The following ASIP variants were observed in gnomAD, a reference collection of about 807,000 sequenced individuals.
ASIP encodes agouti signaling protein.
In ASIP, 11 loss-of-function variants were observed where a neutral mutation model predicts 10.3. That is an observed-to-expected ratio of 1.07 (90% CI 0.68 to 1.78). ASIP has a LOEUF of 1.78. Ranked by LOEUF, ASIP falls within the 40% of genes most tolerant of loss-of-function variation. The probability of loss-of-function intolerance (pLI) is 0.00; values close to 1 mark genes in which losing one functional copy is unlikely to be tolerated. For missense variants in ASIP, 180 were observed against 169.2 expected, an observed-to-expected ratio of 1.06 and a Z score of -0.35; for synonymous variants, 70 against 70.8, an observed-to-expected ratio of 0.99 and a Z score of 0.06.
upstream of ASIP, among the ~76,000 whole-genome samples, chr20:34,237,138 G>A (rs1050012832): frequency 1.3e-5 from 2 of 152,028 alleles, no homozygotes; most frequent in African/African-American, 4.8e-5. Context: ...CTGTGGCTTT[G>A]TAGTAAGTTT....
At chr20:34,215,005 ATCT>A (rs1294553820) in intron 1 of ASIP, 6 of 1,436,932 alleles carry the variant, frequency 4.2e-6, no homozygotes, top group Non-Finnish European at 5.9e-6. Context: ...TCTGGCCAAC[ATCT>A]TCTTCCTGGT....
At chr20:34,250,895 G>A (rs1020822764) in intron 1 of ASIP, among the ~76,000 whole-genome samples, 1 of 152,058 alleles carries the variant, frequency 6.6e-6, no homozygotes, top group Non-Finnish European at 1.5e-5. Flanking sequence ...CAGTGCTGTC[G>A]CTAAGGGGAT....
At chr20:34,203,434 GTCAC>G (rs1275080630) in intron 1 of ASIP, among the ~76,000 whole-genome samples, 3 of 151,304 alleles carry the variant, frequency 2.0e-5, no homozygotes, top group African/African-American at 7.3e-5. Context: ...GTTTCACTCT[GTCAC>G]TCAAGCTGGA....
intron 2 of ASIP, 111 bp from the exon 3 acceptor site, chr20:34,262,721 T>G: frequency 1.7e-6 from 2 of 1,205,024 alleles, no homozygotes; most frequent in Admixed American, 3.5e-5. Context: ...GCACGCTTCT[T>G]CTCCTCTCCC....
In ASIP at chr20:34,209,721, G is replaced by A. The variant is rs186312937; in HGVS notation, c.-11+14961G>A. ...GCCCCTCTGGATTTGGGGCACCAAC[G>A]AGAATGGGAGGGAAGCTAAGGAGGG... On this transcript the variant is annotated intron_variant, in intron 1 of 3. Transcript: ENST00000568305. Among the ~76,000 whole-genome samples the A allele has an allele frequency of 2.2e-3, 329 of 152,318 alleles. 3 individuals are homozygous for A. The highest frequency in any genetic ancestry group is 7.7e-3 in the African/African-American group (321 of 41,578).
rs984350485 is a variant in ASIP, at chr20:34,269,180, C to A, written c.*13C>A. ...CCTCAACTGCTGAGCGCCCCCACTCCCGGCCGCGAGCAGGCAGGGCTTCGG... is the reference window on the plus strand; with the variant it reads ...CCTCAACTGCTGAGCGCCCCCACTCACGGCCGCGAGCAGGCAGGGCTTCGG... On this transcript the variant is annotated 3_prime_UTR_variant, in exon 4 of 4. Transcript: ENST00000374954. 5.4e-6 allele frequency: 8 copies of A among 1,491,688 alleles called. No homozygotes were observed. The highest frequency in any genetic ancestry group is 3.6e-6 in the Non-Finnish European group (4 of 1,119,868). 92.4% of individuals were successfully genotyped at this position (1,491,688 alleles called of 1,614,324 possible).
At chr20:34,210,456 C>T (rs2122548418) in intron 1 of ASIP, among the ~76,000 whole-genome samples, 1 of 152,370 alleles carries the variant, frequency 6.6e-6, no homozygotes, top group African/African-American at 2.4e-5. Context: ...CTGGAGCTGC[C>T]TGCCCCACAG....
At position 34,246,326 on chromosome 20, in the gene ASIP, G is replaced by A. The variant is rs2035374863; in HGVS notation, c.-11+4837G>A. ...ACTAATTCCAGCTTCTTGTTTGGGT[G>A]AATTTTCTACAGTAAATTTTGCAAG... On this transcript the variant is annotated intron_variant, in intron 1 of 3. Transcript: ENST00000374954. 5 of 1,548,676 alleles carry A rather than the reference G, an allele frequency of 3.2e-6. No individual in the cohort carries two copies. In the East Asian group the frequency reaches 1.2e-4, roughly 38 times the overall value.
rs1601596426 is a variant in ASIP, at chr20:34,247,386, C to T, written c.-11+5897C>T. Among the ~76,000 whole-genome samples, 3 of 150,182 alleles carry T rather than the reference C, an allele frequency of 2.0e-5. No homozygotes were observed. In the South Asian group the frequency reaches 6.4e-4, roughly 32 times the overall value. On this transcript the variant is annotated intron_variant, in intron 1 of 3. Coordinates refer to ENST00000374954, the MANE Select transcript of ASIP (RefSeq NM_001672.3). ...TGTGATCTCGGCTCACTGCAACCTCCGCCTCCCGGGTTCAAGCGATTCTCC... is the reference window on the plus strand; with the variant it reads ...TGTGATCTCGGCTCACTGCAACCTCTGCCTCCCGGGTTCAAGCGATTCTCC...
chr20:34,259,068 G>A (rs1229613079), intron 1 of ASIP, among the ~76,000 whole-genome samples: 1 of 150,842 alleles, frequency 6.6e-6, no homozygotes, highest in East Asian at 1.9e-4. Flanking sequence ...AAATTAGCCA[G>A]GTGTGTTTGC....
At chr20:34,198,816 A>G (rs924585581) in intron 1 of ASIP, among the ~76,000 whole-genome samples, 7 of 152,174 alleles carry the variant, frequency 4.6e-5, no homozygotes, top group Admixed American at 3.3e-4. Context: ...TTTAAAATAC[A>G]GTTACAGAAA....
At chr20:34,243,181 G>C (rs1288551913) in intron 1 of ASIP, among the ~76,000 whole-genome samples, 1 of 152,174 alleles carries the variant, frequency 6.6e-6, no homozygotes, top group Non-Finnish European at 1.5e-5. Flanking sequence ...TTGTCCTTTT[G>C]TCCCTTGAGA....
chr20:34,265,108 A>G (rs2035762080), intron 3 of ASIP, among the ~76,000 whole-genome samples: 1 of 152,194 alleles, frequency 6.6e-6, no homozygotes, highest in African/African-American at 2.4e-5. Flanking sequence ...TTACTTGATT[A>G]TAAGAGTACA....
intron 1 of ASIP, among the ~76,000 whole-genome samples, chr20:34,204,875 C>T (rs556271249): frequency 1.3e-5 from 2 of 152,214 alleles, no homozygotes; most frequent in South Asian, 2.1e-4. Flanking sequence ...TTATGTGGTA[C>T]ATGTGATACT....
intron 1 of ASIP, chr20:34,246,238 GC>G (rs1480129916): frequency 3.3e-6 from 5 of 1,521,678 alleles, no homozygotes; most frequent in Non-Finnish European, 4.4e-6. Context: ...GTTTTATTTG[GC>G]CTCTTCCACC....
chr20:34,257,740 T>C (rs2035598254), intron 1 of ASIP, among the ~76,000 whole-genome samples: 2 of 152,218 alleles, frequency 1.3e-5, no homozygotes, highest in Admixed American at 6.5e-5. Flanking sequence ...CTAGCTCTTG[T>C]CTCATTAGGA....
At chr20:34,198,452 CTT>C (rs2034872766) in intron 1 of ASIP, among the ~76,000 whole-genome samples, 1 of 151,624 alleles carries the variant, frequency 6.6e-6, no homozygotes, top group Admixed American at 6.6e-5. Flanking sequence ...CCTGGATACA[CTT>C]TTATTTTCTT....
chr20:34,233,184 G>C (rs1002440999), intron 1 of ASIP, among the ~76,000 whole-genome samples: 18 of 118,708 alleles, frequency 1.5e-4, no homozygotes, highest in African/African-American at 5.8e-4. Context: ...GTCTCGCTCT[G>C]TTGCCCAGGC....
chr20:34,214,638 T>C, intron 1 of ASIP: 1 of 1,108,842 alleles, frequency 9.0e-7, no homozygotes, highest in South Asian at 1.2e-5. Flanking sequence ...TGTCCAACAC[T>C]AACTTCAGTT....
Sources: gnomAD v4.1 joint callset for allele counts (sites outside exome capture counted in the v4.1 genomes callset) on GRCh38, gnomAD v4.1.1 for gene constraint, MANE v1.5 for transcripts, NCBI Gene and HGNC (gene_info 2026-07-23, HGNC 2026-07-21) for gene names.